SNX10: variants seen among roughly 807,000 people sequenced by gnomAD.
SNX10 encodes the protein sorting nexin-10.
A neutral mutation model predicts 28.5 loss-of-function variants in SNX10; 25 were observed. The observed-to-expected ratio is 0.88, with a 90% CI of 0.64 to 1.22. The LOEUF is 1.22. Ranked by LOEUF, SNX10 falls within the 50% of genes most tolerant of loss-of-function variation. The pLI, the probability that SNX10 is intolerant of heterozygous loss-of-function variation, is 0.00. For synonymous variants in SNX10, 62 were observed against 81.4 expected, an observed-to-expected ratio of 0.76 and a Z score of 1.28; for missense variants, 223 against 242.6, an observed-to-expected ratio of 0.92 and a Z score of 0.54.
chr7:26,358,583 T>TA (rs1210649720), intron 2 of SNX10, among the ~76,000 whole-genome samples: 1 of 151,380 alleles, frequency 6.6e-6, no homozygotes, highest in Non-Finnish European at 1.5e-5. Context: ...CTAAAAAAAT[T>TA]AAAAAATTAG....
At position 26,364,324 on chromosome 7, in the gene SNX10, CA is replaced by C; in HGVS notation, c.112-210del. 1 of 1,277,976 alleles carries C rather than the reference CA, an allele frequency of 7.8e-7. No homozygotes were observed. The highest frequency in any genetic ancestry group is 9.9e-7 in the Non-Finnish European group (1 of 1,011,254). 79.2% of individuals were successfully genotyped at this position (1,277,976 alleles called of 1,614,324 possible). ...CAGGTCATACCTCACCCTGGGGCAACACTGCTTATTTCCATCATCCTGGCTG... is the reference window on the plus strand; with the variant it reads ...CAGGTCATACCTCACCCTGGGGCAACCTGCTTATTTCCATCATCCTGGCTG... On this transcript the variant is annotated intron_variant, in intron 3 of 6. Coordinates refer to ENST00000338523, the MANE Select transcript of SNX10 (RefSeq NM_013322.3). This position sits in a 1 kb window ranked among gnomAD's most constrained non-coding sequence, Gnocchi z 4.9.
At chr7:26,348,549 C>T (rs948590605) in intron 2 of SNX10, among the ~76,000 whole-genome samples, 1 of 152,244 alleles carries the variant, frequency 6.6e-6, no homozygotes, top group Non-Finnish European at 1.5e-5. Context: ...AGCTTCTGGT[C>T]GTCCTCCCAA....
At chr7:26,312,833 A>C (rs1326773839) in intron 1 of SNX10, among the ~76,000 whole-genome samples, 4 of 152,200 alleles carry the variant, frequency 2.6e-5, no homozygotes, top group Non-Finnish European at 2.9e-5. Context: ...GCTTGCTCTT[A>C]TGCATAATTG....
intron 2 of SNX10, among the ~76,000 whole-genome samples, chr7:26,347,181 C>T (rs191697008): frequency 6.6e-6 from 1 of 152,318 alleles, no homozygotes; most frequent in East Asian, 1.9e-4. Flanking sequence ...CCCAGCTCAC[C>T]CTGCACAAGT....
intron 2 of SNX10, 70 bp downstream of exon 2, chr7:26,346,536 C>T (rs371896854): frequency 3.4e-5 from 39 of 1,164,124 alleles, no homozygotes; most frequent in Admixed American, 1.2e-4. Flanking sequence ...TCTTCATTTG[C>T]GAACCATAAA....
At chr7:26,345,707 C>T (rs540373488) in intron 1 of SNX10, among the ~76,000 whole-genome samples, 1 of 152,336 alleles carries the variant, frequency 6.6e-6, no homozygotes, top group South Asian at 2.1e-4. Context: ...GACCTGCAGT[C>T]ATAGTCACCC....
chr7:26,305,136 C>G (rs533253817), intron 1 of SNX10, among the ~76,000 whole-genome samples: 63 of 152,228 alleles, frequency 4.1e-4, no homozygotes, highest in African/African-American at 1.5e-3. Flanking sequence ...CACTGGAGTC[C>G]CCTGTGGGGC....
intron 5 of SNX10, among the ~76,000 whole-genome samples, chr7:26,367,706 A>G (rs1789351944): frequency 6.6e-6 from 1 of 152,102 alleles, no homozygotes; most frequent in Non-Finnish European, 1.5e-5. Context: ...ACTCTAGGGA[A>G]CTGGATGTGA....
chr7:26,356,181 T>G (rs1788810919), intron 2 of SNX10, among the ~76,000 whole-genome samples: 1 of 152,154 alleles, frequency 6.6e-6, no homozygotes, highest in Non-Finnish European at 1.5e-5. Flanking sequence ...AGGAATTAGA[T>G]CTTCAAAGAG....
intron 2 of SNX10, among the ~76,000 whole-genome samples, chr7:26,350,194 T>C (rs562822474): frequency 1.3e-5 from 2 of 152,350 alleles, no homozygotes; most frequent in South Asian, 4.1e-4. Context: ...ATACTAGGTA[T>C]AACAGCAGCT....
rs70943293 is a variant in SNX10, at chr7:26,327,726, C to CTTTTTTTTTTTTTTT, written c.-23-18687_-23-18673dup. ...ATTGTATTCATTCATGCATTCTTTT[C>CTTTTTTTTTTTTTTT]TTTTTTTTTTTTTTTTTTTTTGAGA... On this transcript the variant is annotated intron_variant, in intron 1 of 6. Transcript: ENST00000338523. Among the ~76,000 whole-genome samples, 19 of 89,104 alleles carry CTTTTTTTTTTTTTTT rather than the reference C, an allele frequency of 2.1e-4. 1 individual carries two copies. Among genetic ancestry groups the CTTTTTTTTTTTTTTT allele is most frequent in the African/African-American group, 7.7e-4 (18 of 23,330 alleles). The allele number at this position is 89,104 out of a possible 152,430, so 58.5% of individuals were successfully genotyped here.
chr7:26,372,119 A>G, intron 6 of SNX10, 86 bp downstream of exon 6: 1 of 856,414 alleles, frequency 1.2e-6, no homozygotes, highest in Non-Finnish European at 1.8e-6. Flanking sequence ...ATATATACAC[A>G]CTTCACTTTT....
intron 1 of SNX10, among the ~76,000 whole-genome samples, chr7:26,293,578 A>C (rs76461324): frequency 0.055 from 8,358 of 152,276 alleles, 549 homozygotes; most frequent in East Asian, 0.28. Flanking sequence ...AAAAATACAA[A>C]AATAAAATAC....
intron 2 of SNX10, among the ~76,000 whole-genome samples, chr7:26,358,966 C>T (rs945081377): frequency 6.6e-5 from 10 of 151,662 alleles, no homozygotes; most frequent in African/African-American, 2.2e-4. Context: ...ACACCATGCC[C>T]AGCTAATTTT....
intron 1 of SNX10, among the ~76,000 whole-genome samples, chr7:26,336,456 C>T (rs563259738): frequency 1.3e-5 from 2 of 152,172 alleles, no homozygotes; most frequent in African/African-American, 2.4e-5. Flanking sequence ...GTAATCCCTA[C>T]ACTTTGAGAG....
intron 1 of SNX10, among the ~76,000 whole-genome samples, chr7:26,323,917 C>T (rs1318439370): frequency 2.0e-5 from 3 of 152,170 alleles, no homozygotes; most frequent in Non-Finnish European, 4.4e-5. Flanking sequence ...TAAATAAGGG[C>T]TGAATGAGGG....
At position 26,371,906 on chromosome 7, in the gene SNX10, T is replaced by C; in HGVS notation, c.397T>C (p.Cys133Arg). The stretch of plus-strand genomic sequence containing the variant: ...TCTGAATTCAGAAGACATTGAGGCG[T>C]GTGTTTCTGGGCAGACTAAGTACTC... ...SHLNSEDIEA[C>R]VSGQTKYSVE... Residue 133 changes from cysteine to arginine, a missense_variant, in exon 6 of 7, where the codon TGT (cysteine) becomes CGT (arginine). Transcript: ENST00000338523. The C allele has an allele frequency of 6.2e-7, 1 of 1,613,762 alleles. No homozygotes were observed.
intron 2 of SNX10, among the ~76,000 whole-genome samples, chr7:26,348,480 C>T (rs148875082): frequency 1.1e-4 from 16 of 152,334 alleles, no homozygotes; most frequent in East Asian, 3.9e-4. Context: ...AGAACACAAA[C>T]GAGAACCAGC....
At chr7:26,357,052 T>C (rs546096787) in intron 2 of SNX10, 5 of 1,225,758 alleles carry the variant, frequency 4.1e-6, no homozygotes, top group Admixed American at 2.4e-5. Flanking sequence ...GCATTGGATG[T>C]ATGAGGCATT....
Sources: allele counts gnomAD v4.1 joint callset (sites outside exome capture counted in the v4.1 genomes callset), GRCh38; gene constraint gnomAD v4.1.1; non-coding constraint Gnocchi (gnomAD v3.1); transcripts MANE v1.5; gene names NCBI Gene and HGNC (gene_info 2026-07-23, HGNC 2026-07-21).